The following NPLOC4 variants were observed in gnomAD, a reference collection of about 807,000 sequenced individuals.
NPLOC4 encodes nuclear protein localization protein 4 homolog.
A neutral mutation model predicts 80.6 loss-of-function variants in NPLOC4; 18 were observed. The ratio of observed to expected loss-of-function variants is 0.22; its 90% CI spans 0.15 to 0.33. NPLOC4 has a LOEUF of 0.33. NPLOC4 is among the 10% of genes least tolerant of loss of function. NPLOC4 has a pLI of 1.00. For synonymous variants in NPLOC4, 313 were observed against 301.5 expected, an observed-to-expected ratio of 1.04 and a Z score of -0.39; for missense variants, 540 against 786.1, an observed-to-expected ratio of 0.69 and a Z score of 3.74.
intron 1 of NPLOC4, among the ~76,000 whole-genome samples, chr17:81,631,342 C>T (rs181404341): frequency 3.3e-5 from 5 of 149,992 alleles, no homozygotes; most frequent in South Asian, 2.1e-4. Context: ...CCTAGGAATT[C>T]GAGATCAGCC....
intron 11 of NPLOC4, among the ~76,000 whole-genome samples, chr17:81,592,317 T>G (rs2034773088): frequency 6.6e-6 from 1 of 152,124 alleles, no homozygotes; most frequent in Admixed American, 6.5e-5. Flanking sequence ...CACACTTTAC[T>G]TGAGTTAGAA....
chr17:81,585,367 T>C (rs1226918007), intron 12 of NPLOC4, among the ~76,000 whole-genome samples: 1 of 151,576 alleles, frequency 6.6e-6, no homozygotes, highest in Non-Finnish European at 1.5e-5. Flanking sequence ...ATTATCCACA[T>C]CGTTAAGAAA....
chr17:81,589,085 G>T lies in NPLOC4; in HGVS notation c.1140C>A (p.Val380=), dbSNP rs755565319. The T allele has an allele frequency of 1.1e-5, 17 of 1,612,508 alleles. No homozygotes were observed. The highest frequency in any genetic ancestry group is 1.7e-5 in the Admixed American group (1 of 59,654). The part of the protein sequence containing the change: ...AVATGGPDNQ[V]HFEGYQVSNQ... ...TGGACACCTGGTACCCTTCAAAGTG[G>T]ACTTGGTTGTCAGGACCACCTGCAA... Residue 380 remains valine, a synonymous_variant, in exon 12 of 17, where the codon GTC becomes GTA. Coordinates refer to ENST00000331134, the MANE Select transcript of NPLOC4 (RefSeq NM_017921.4).
chr17:81,559,052 A>G lies in NPLOC4; in HGVS notation c.*207T>C. Reference sequence around the variant, plus strand: ...CGTTTCCAGTCTGGAGACTGCATTCAGCCTGCAGAATACCAGCCGTGGCGC... The same window carrying G: ...CGTTTCCAGTCTGGAGACTGCATTCGGCCTGCAGAATACCAGCCGTGGCGC... On this transcript the variant is annotated 3_prime_UTR_variant, in exon 17 of 17. Transcript: ENST00000331134. 3.5e-6 allele frequency: 2 copies of G among 577,140 alleles called. No homozygotes were observed. The highest frequency in any genetic ancestry group is 6.1e-6 in the Non-Finnish European group (2 of 328,888). 35.8% of individuals were successfully genotyped at this position (577,140 alleles called of 1,614,324 possible).
At chr17:81,576,156 A>G (rs1162561385) in intron 12 of NPLOC4, among the ~76,000 whole-genome samples, 2 of 152,256 alleles carry the variant, frequency 1.3e-5, no homozygotes, top group East Asian at 3.8e-4. Context: ...TCAACCAGGC[A>G]AACATCTAGA....
intron 8 of NPLOC4, among the ~76,000 whole-genome samples, chr17:81,602,906 C>T (rs890023859): frequency 2.7e-5 from 4 of 146,962 alleles, no homozygotes; most frequent in African/African-American, 1.0e-4. Context: ...CACATACATA[C>T]ATATATATGT....
intron 11 of NPLOC4, among the ~76,000 whole-genome samples, chr17:81,592,188 G>C (rs572423968): frequency 7.5e-4 from 114 of 152,326 alleles, no homozygotes; most frequent in African/African-American, 2.5e-3. Context: ...ACATGGCTCA[G>C]TCTGAACCTT....
rs529563196 is a variant in NPLOC4, at chr17:81,558,108, C to T, written c.*1151G>A. The T allele has an allele frequency of 1.3e-3, 192 of 152,650 alleles. 1 individual carries two copies. The highest frequency in any genetic ancestry group is 1.9e-3 in the Admixed American group (29 of 15,296). The allele number at this position is 152,650 out of a possible 1,614,324, so 9.5% of individuals were successfully genotyped here. A position where few individuals can be genotyped will look rare whatever the true frequency, so the allele number is the denominator to read the frequency against. ...TAAGAGCCATGCCCCGGCCTGGCCA[C>T]GCCACAGAGGAACGCAGAGCACACA... On this transcript the variant is annotated 3_prime_UTR_variant, in exon 17 of 17. Coordinates refer to ENST00000331134, the MANE Select transcript of NPLOC4 (RefSeq NM_017921.4).
At chr17:81,618,715 T>C (rs2035580540) in intron 3 of NPLOC4, among the ~76,000 whole-genome samples, 1 of 151,336 alleles carries the variant, frequency 6.6e-6, no homozygotes, top group Admixed American at 6.6e-5. Flanking sequence ...ACCCAACAGC[T>C]CATTGAGAAC....
chr17:81,579,006 G>C (rs1300857378), intron 12 of NPLOC4, among the ~76,000 whole-genome samples: 1 of 152,280 alleles, frequency 6.6e-6, no homozygotes, highest in African/African-American at 2.4e-5. Flanking sequence ...CTGCAGCCTC[G>C]AACTCCTGGG....
intron 10 of NPLOC4, 92 bp from the exon 11 acceptor site, chr17:81,596,334 G>A: frequency 6.4e-6 from 9 of 1,414,942 alleles, no homozygotes; most frequent in African/African-American, 2.8e-5. Flanking sequence ...TAAGCCAGGA[G>A]CAGTGACTCA....
chr17:81,627,389 C>CAA lies in NPLOC4; in HGVS notation c.96+2334_96+2335dup, dbSNP rs532509354. Among the ~76,000 whole-genome samples the CAA allele has an allele frequency of 2.2e-3, 277 of 124,412 alleles. 1 individual carries two copies. Among genetic ancestry groups the CAA allele is most frequent in the African/African-American group, 7.1e-3 (233 of 32,706 alleles). 81.6% of individuals were successfully genotyped at this position (124,412 alleles called of 152,430 possible). A position where few individuals can be genotyped will look rare whatever the true frequency, so the allele number is the denominator to read the frequency against. On this transcript the variant is annotated intron_variant, in intron 2 of 16. Coordinates refer to ENST00000331134, the MANE Select transcript of NPLOC4 (RefSeq NM_017921.4). ...CCTGGGCAACAGAAAGACTCCGTCT[C>CAA]AAAAAAAAAAAAAAATTGATGCATG...
intron 11 of NPLOC4, among the ~76,000 whole-genome samples, chr17:81,591,883 T>C (rs765364873): frequency 6.6e-6 from 1 of 152,204 alleles, no homozygotes; most frequent in Non-Finnish European, 1.5e-5. Flanking sequence ...CCCCAGCAAG[T>C]AATTTTAACA....
intron 3 of NPLOC4, 81 bp downstream of exon 3, chr17:81,622,085 G>T: frequency 1.1e-6 from 1 of 930,784 alleles, no homozygotes; most frequent in Non-Finnish European, 1.8e-6. Context: ...TGAGGAAAGA[G>T]GATAAAACTC....
chr17:81,594,274 C>CAAAAAAAAAAAAAAAAA (rs869281063), intron 11 of NPLOC4, among the ~76,000 whole-genome samples: 4 of 53,660 alleles, frequency 7.5e-5, no homozygotes, highest in African/African-American at 3.0e-4. Context: ...GACTCCGTCT[C>CAAAAAAAAAAAAAAAAA]AAAAAAAAAA....
chr17:81,559,350 G>C lies in NPLOC4; in HGVS notation c.1736C>G (p.Ala579Gly). The change falls in exon 17 of 17, where the codon GCC (alanine) becomes GGC (glycine). Residue 579 changes from alanine to glycine, a missense_variant. By Grantham distance (60) the Ala-to-Gly change is moderately conservative. Transcript: ENST00000331134. Reference protein sequence around the residue: ...YGAVGGSTHTATAAMWACQHC... With the variant: ...YGAVGGSTHTGTAAMWACQHC... ...CTGACAGGCCCACATGGCTGCAGTG[G>C]CCGTGTGTGTGGAGCCCCCGACGGC... 6.2e-7 allele frequency: 1 copy of C among 1,607,606 alleles called. No homozygotes were observed.
intron 9 of NPLOC4, among the ~76,000 whole-genome samples, chr17:81,598,086 C>T (rs1254272566): frequency 7.6e-6 from 1 of 130,748 alleles, no homozygotes; most frequent in Non-Finnish European, 1.6e-5. Flanking sequence ...CAGAGCAAGA[C>T]TCTGTCTCAA....
chr17:81,618,475 G>A (rs571497885), intron 3 of NPLOC4, among the ~76,000 whole-genome samples: 2,063 of 134,648 alleles, frequency 0.015, 71 homozygotes, highest in African/African-American at 0.055. Context: ...CACCCCGTCC[G>A]GGAGGAAGGT....
chr17:81,629,618 T>G (rs1322632977), intron 2 of NPLOC4, 107 bp downstream of exon 2: 14 of 854,926 alleles, frequency 1.6e-5, no homozygotes, highest in Non-Finnish European at 2.7e-5. Flanking sequence ...AAGAGGCAAT[T>G]TGGGAATAGG....
Sources: gnomAD v4.1 joint callset for allele counts (sites outside exome capture counted in the v4.1 genomes callset) on GRCh38, gnomAD v4.1.1 for gene constraint, MANE v1.5 for transcripts, NCBI Gene and HGNC (gene_info 2026-07-23, HGNC 2026-07-21) for gene names.